GLRA1: variants seen among roughly 807,000 people sequenced by gnomAD.
The protein encoded by GLRA1 is glycine receptor alpha 1.
A neutral mutation model predicts 48.3 loss-of-function variants in GLRA1; 37 were observed. The ratio of observed to expected loss-of-function variants is 0.77; its 90% CI spans 0.59 to 1.01. GLRA1 has a LOEUF of 1.01. Ranked by LOEUF, GLRA1 falls within the 50% of genes least tolerant of loss-of-function variation. GLRA1 has a pLI of 0.00. For synonymous variants in GLRA1, 196 were observed against 210.7 expected (o/e 0.93, Z 0.60); for missense variants, 427 against 571.0 (o/e 0.75, Z 2.57).
In GLRA1 at chr5:151,854,110, A is replaced by G. The variant is rs181355836; in HGVS notation, c.697+930T>C. ...GTAAAAGACTTGGTATGTGAGGGTC[A>G]GTTGTGGTGATTTGACTTGGGAGTC... is the stretch of plus-strand genomic sequence containing the variant. On this transcript the variant is annotated intron_variant, in intron 6 of 8. Coordinates refer to ENST00000274576, the MANE Select transcript of GLRA1 (RefSeq NM_000171.4). Among the ~76,000 whole-genome samples the G allele has an allele frequency of 9.2e-5, 14 of 152,370 alleles. No homozygotes were observed. The East Asian group carries it at 2.7e-3, about 29-fold the overall frequency.
At position 151,855,128 on chromosome 5, in the gene GLRA1, G is replaced by A. The variant is rs773529731; in HGVS notation, c.609C>T (p.Ala203=). Residue 203 remains alanine, a synonymous_variant, in exon 6 of 9, where the codon GCC becomes GCT. Transcript: ENST00000274576. ...DLIFEWQEQG[A]VQVADGLTLP... is the part of the protein sequence containing the mutation. ...GAGTTAGTCCATCTGCTACCTGCAC[G>A]GCTCCCTGTTCCTGCCACTCAAAGA... 4.1e-5 allele frequency: 66 copies of A among 1,613,580 alleles called. No individual in the cohort carries two copies. Among genetic ancestry groups the A allele is most frequent in the Middle Eastern group, 1.6e-4 (1 of 6,080 alleles).
At chr5:151,895,144 A>C (rs749503486) in intron 1 of GLRA1, among the ~76,000 whole-genome samples, 1 of 152,192 alleles carries the variant, frequency 6.6e-6, no homozygotes, top group Non-Finnish European at 1.5e-5. Flanking sequence ...TTGCAGATGC[A>C]TAGTGAATTG....
chr5:151,858,834 G>A (rs1446866746), intron 4 of GLRA1, among the ~76,000 whole-genome samples: 4 of 152,188 alleles, frequency 2.6e-5, no homozygotes, highest in African/African-American at 4.8e-5. Context: ...TAGGACCAGC[G>A]CCCTTTTTTA....
chr5:151,914,037 A>G (rs1017732793), intron 1 of GLRA1, among the ~76,000 whole-genome samples: 1 of 152,254 alleles, frequency 6.6e-6, no homozygotes, highest in African/African-American at 2.4e-5. Context: ...GCTGTTTAAT[A>G]TTTTACAACA....
At chr5:151,919,480 G>A (rs144219748) in intron 1 of GLRA1, among the ~76,000 whole-genome samples, 1 of 152,148 alleles carries the variant, frequency 6.6e-6, no homozygotes, top group South Asian at 2.1e-4. Context: ...TGTCTGGGTC[G>A]GGATAACTCT....
Position 151,849,899 on chromosome 5 carries a change from A to T in GLRA1, c.912+1491T>A, listed in dbSNP as rs1581615180. 11 of 1,517,536 alleles carry T rather than the reference A, an allele frequency of 7.2e-6. No homozygotes were observed. In the East Asian group the frequency reaches 2.6e-4, roughly 35 times the overall value. The allele number at this position is 1,517,536 out of a possible 1,614,324, so 94.0% of individuals were successfully genotyped here. ...TATTTTACAGTCTGAAGGCTCCAAC[A>T]GTGACATGCATTTCATGCCTCCTGC... On this transcript the variant is annotated intron_variant, in intron 7 of 8. Coordinates refer to ENST00000274576, the MANE Select transcript of GLRA1 (RefSeq NM_000171.4).
intron 1 of GLRA1, among the ~76,000 whole-genome samples, chr5:151,919,586 C>T (rs1754825288): frequency 6.6e-6 from 1 of 152,208 alleles, no homozygotes; most frequent in Admixed American, 6.5e-5. Flanking sequence ...AATTGAAATA[C>T]ACTTCAATAG....
chr5:151,890,751 C>G (rs909332676), intron 2 of GLRA1, among the ~76,000 whole-genome samples: 2 of 152,218 alleles, frequency 1.3e-5, no homozygotes, highest in Non-Finnish European at 2.9e-5. Flanking sequence ...AGTTGTCTTG[C>G]CCCTCTAGGT....
chr5:151,885,275 A>G (rs987990749), intron 3 of GLRA1, among the ~76,000 whole-genome samples: 2 of 152,222 alleles, frequency 1.3e-5, no homozygotes, highest in African/African-American at 4.8e-5. Context: ...TTATTGAATC[A>G]CTGTGCTAGC....
chr5:151,827,705 C>T (rs1261855549), intron 8 of GLRA1, among the ~76,000 whole-genome samples: 1 of 152,160 alleles, frequency 6.6e-6, no homozygotes, highest in African/African-American at 2.4e-5. Flanking sequence ...TAATAGACAA[C>T]GATTTTAAAT....
At chr5:151,917,997 C>T (rs183009695) in intron 1 of GLRA1, among the ~76,000 whole-genome samples, 90 of 152,254 alleles carry the variant, frequency 5.9e-4, no homozygotes, top group South Asian at 1.7e-3. Flanking sequence ...TTTAGAGCAA[C>T]GGACACTGAA....
Position 151,924,808 on chromosome 5 carries a change from C to T in GLRA1, c.-259G>A, listed in dbSNP as rs1754985343. ...CTTTTCAGGAGCGCGAAGAGTATTG[C>T]TGTTTGTTAAACTCCAGCGTGTCTG... On this transcript the variant is annotated 5_prime_UTR_variant, in exon 1 of 9. Transcript: ENST00000274576. 1.8e-6 allele frequency: 1 copy of T among 563,776 alleles called. No homozygotes were observed. The highest frequency in any genetic ancestry group is 3.2e-6 in the Non-Finnish European group (1 of 314,504). 34.9% of individuals were successfully genotyped at this position (563,776 alleles called of 1,614,324 possible).
At chr5:151,865,726 T>G (rs1581628708) in intron 3 of GLRA1, among the ~76,000 whole-genome samples, 1 of 152,236 alleles carries the variant, frequency 6.6e-6, no homozygotes, top group Non-Finnish European at 1.5e-5. Flanking sequence ...TCTCTTTGTA[T>G]TTCATAATGA....
chr5:151,922,494 C>T (rs745487231), intron 1 of GLRA1, among the ~76,000 whole-genome samples: 1 of 152,160 alleles, frequency 6.6e-6, no homozygotes, highest in Non-Finnish European at 1.5e-5. Context: ...GTAGCCGTTC[C>T]TATATTTTGA....
intron 7 of GLRA1, chr5:151,850,514 C>A: frequency 1.0e-6 from 1 of 994,700 alleles, no homozygotes; most frequent in Non-Finnish European, 1.6e-6. Context: ...TAAGCAGTGG[C>A]ACCAGTACCA....
chr5:151,870,843 C>A (rs1053567947), intron 3 of GLRA1, among the ~76,000 whole-genome samples: 1 of 149,766 alleles, frequency 6.7e-6, no homozygotes, highest in Admixed American at 6.6e-5. Flanking sequence ...TTAAAAGCAA[C>A]TTTTGCTTGG....
chr5:151,855,037 T>C lies in GLRA1; in HGVS notation c.697+3A>G. 6.2e-7 allele frequency: 1 copy of C among 1,614,104 alleles called. No individual in the cohort carries two copies. Among genetic ancestry groups the C allele is most frequent in the Non-Finnish European group, 8.5e-7 (1 of 1,179,982 alleles). On this transcript the variant is annotated splice_donor_region_variant and intron_variant, in intron 6 of 8. Coordinates refer to ENST00000274576, the MANE Select transcript of GLRA1 (RefSeq NM_000171.4). ...ATCTGAGGAGGGTGGCCCTTGTACC[T>C]ACCTGTGTTGTAGTGCTTGGTGCAG...
chr5:151,921,992 T>C (rs1050799269), intron 1 of GLRA1, among the ~76,000 whole-genome samples: 2 of 152,210 alleles, frequency 1.3e-5, no homozygotes, highest in Non-Finnish European at 2.9e-5. Flanking sequence ...TTCCGCCTCA[T>C]TCACTCGATT....
chr5:151,863,449 A>G (rs933781988), intron 3 of GLRA1, among the ~76,000 whole-genome samples: 1 of 152,068 alleles, frequency 6.6e-6, no homozygotes, highest in African/African-American at 2.4e-5. Context: ...CAAAAAGGAA[A>G]GTTTTAAATT....
Sources: gnomAD v4.1 joint callset for allele counts (sites outside exome capture counted in the v4.1 genomes callset) on GRCh38, gnomAD v4.1.1 for gene constraint, MANE v1.5 for transcripts, NCBI Gene and HGNC (gene_info 2026-07-23, HGNC 2026-07-21) for gene names.